CD72: variants seen among roughly 807,000 people sequenced by gnomAD.
The protein encoded by CD72 is CD72 molecule.
Under a neutral mutation model 50.7 loss-of-function variants are expected in CD72, and 28 were observed. The ratio of observed to expected loss-of-function variants is 0.55; its 90% CI spans 0.41 to 0.76. The LOEUF (loss-of-function observed/expected upper bound fraction) is 0.76. Ranked by LOEUF, CD72 falls within the 30% of genes least tolerant of loss-of-function variation. CD72 has a pLI of 0.00. For missense variants in CD72, 403 were observed against 420.6 expected, an observed-to-expected ratio of 0.96 and a Z score of 0.37; for synonymous variants, 176 against 171.2, an observed-to-expected ratio of 1.03 and a Z score of -0.22.
In CD72 at chr9:35,646,081, A is replaced by G. The variant is rs557250723; in HGVS notation, n.408+322T>C. ...AGGCTGAGGCAGGAGAATCTCTTGAACCTGGGAGGCGGAGGTTGCAGTGAG... is the reference window on the plus strand; with the variant it reads ...AGGCTGAGGCAGGAGAATCTCTTGAGCCTGGGAGGCGGAGGTTGCAGTGAG... On this transcript the variant is annotated intron_variant and non_coding_transcript_variant, in intron 1 of 3. Coordinates refer to the CD72 transcript ENST00000465754. 7.9e-5 allele frequency among the ~76,000 whole-genome samples: 12 copies of G among 151,870 alleles called. No individual in the cohort carries two copies. In the East Asian group the frequency reaches 2.3e-3, roughly 29 times the overall value.
chr9:35,628,113 G>A (rs980147479), intron 1 of CD72, among the ~76,000 whole-genome samples: 48 of 152,204 alleles, frequency 3.2e-4, no homozygotes, highest in Admixed American at 2.6e-3. Flanking sequence ...GAAATTACAG[G>A]CATGACTCAC....
At chr9:35,633,437 TGA>T (rs1182125535) in intron 1 of CD72, among the ~76,000 whole-genome samples, 1 of 152,206 alleles carries the variant, frequency 6.6e-6, no homozygotes, top group Non-Finnish European at 1.5e-5. Flanking sequence ...ACAGGGTAAT[TGA>T]GAGAGTTTCT....
At chr9:35,626,598 T>C (rs1233358676) in intron 1 of CD72, among the ~76,000 whole-genome samples, 1 of 152,214 alleles carries the variant, frequency 6.6e-6, no homozygotes, top group Non-Finnish European at 1.5e-5. Flanking sequence ...AAAGAATCAA[T>C]GTGGCAAACT....
intron 1 of CD72, among the ~76,000 whole-genome samples, chr9:35,636,909 A>G (rs917292229): frequency 2.6e-5 from 4 of 152,198 alleles, no homozygotes; most frequent in Non-Finnish European, 4.4e-5. Context: ...AAGATCCACA[A>G]AAGAAGTTAA....
At chr9:35,612,336 G>C (rs1205908292) in intron 6 of CD72, among the ~76,000 whole-genome samples, 1 of 152,176 alleles carries the variant, frequency 6.6e-6, no homozygotes, top group African/African-American at 2.4e-5. Flanking sequence ...TATAATCCCA[G>C]CACTTTGGGA....
chr9:35,635,686 T>G (rs1890592), intron 1 of CD72, among the ~76,000 whole-genome samples: 50,401 of 152,056 alleles, frequency 0.33, 8,849 homozygotes, highest in Non-Finnish European at 0.4. Context: ...GTTTTGCTGG[T>G]AGTTAAGACC....
chr9:35,624,440 A>G (rs1823176548), upstream of CD72, among the ~76,000 whole-genome samples: 1 of 151,984 alleles, frequency 6.6e-6, no homozygotes, highest in African/African-American at 2.4e-5. Flanking sequence ...TTAAAGATGA[A>G]AGGATGTATA....
chr9:35,622,657 C>A (rs892115519), upstream of CD72, among the ~76,000 whole-genome samples: 3 of 152,046 alleles, frequency 2.0e-5, no homozygotes, highest in African/African-American at 7.2e-5. Context: ...CATGGCGGCG[C>A]ACACCTGTAG....
In CD72 at chr9:35,612,985, A is replaced by T. The variant is rs1037692804; in HGVS notation, c.697T>A (p.Cys233Ser). ...TGATGCATTATCCATCCCGACGGAC[A>T]GCAGGTGTCTAAAAAGCAGAAAGAG... is the stretch of plus-strand genomic sequence containing the variant. ...FFTCGSADTC[C>S]PSGWIMHQKS... The change falls in exon 6 of 9, where the codon TGT becomes AGT. Residue 233 changes from cysteine to serine, a missense_variant. Physicochemically the swap from Cys to Ser is moderately radical, Grantham distance 112. Coordinates refer to ENST00000259633, the MANE Select transcript of CD72 (RefSeq NM_001782.3). 6.2e-7 allele frequency: 1 copy of T among 1,609,712 alleles called. No homozygotes were observed. The highest frequency in any genetic ancestry group is 1.1e-5 in the South Asian group (1 of 90,666).
intron 1 of CD72, among the ~76,000 whole-genome samples, chr9:35,644,183 A>G (rs1314125597): frequency 2.0e-5 from 3 of 151,540 alleles, no homozygotes; most frequent in Non-Finnish European, 4.4e-5. Flanking sequence ...CATCTCTACT[A>G]AAAATACAAA....
At chr9:35,630,894 G>A (rs1823240708) in intron 1 of CD72, among the ~76,000 whole-genome samples, 1 of 152,088 alleles carries the variant, frequency 6.6e-6, no homozygotes. Flanking sequence ...CAAAACGCCC[G>A]TCTCTACAAA....
rs543017557 is a variant in CD72, at chr9:35,615,569, A to G, written c.688+374T>C. ...GGAGATCTCAGCTATAACGAAAATT[A>G]ATTAAAAATGAGGTCCCTGTCTTTA... On this transcript the variant is annotated intron_variant, in intron 5 of 8. Transcript: ENST00000259633. 3.3e-5 allele frequency among the ~76,000 whole-genome samples: 5 copies of G among 152,062 alleles called. No homozygotes were observed. In the East Asian group the frequency reaches 9.7e-4, roughly 29 times the overall value.
chr9:35,642,081 A>G (rs4515643), intron 1 of CD72, among the ~76,000 whole-genome samples: 139,950 of 152,250 alleles, frequency 0.92, 65,396 homozygotes, highest in East Asian at 1. Flanking sequence ...CATTATCACT[A>G]ACCACTGCAT....
intron 1 of CD72, among the ~76,000 whole-genome samples, chr9:35,629,063 G>A (rs1823220482): frequency 6.6e-6 from 1 of 151,634 alleles, no homozygotes; most frequent in Admixed American, 6.6e-5. Context: ...TTTTTTAAGA[G>A]ATGGGGGTCT....
intron 1 of CD72, among the ~76,000 whole-genome samples, chr9:35,635,607 G>C (rs115026540): frequency 6.6e-6 from 1 of 152,162 alleles, no homozygotes; most frequent in Non-Finnish European, 1.5e-5. Context: ...TCTGCCAGCA[G>C]GTTCCTCTGC....
intron 1 of CD72, among the ~76,000 whole-genome samples, chr9:35,644,758 G>A (rs1823371671): frequency 6.6e-6 from 1 of 152,160 alleles, no homozygotes; most frequent in Admixed American, 6.5e-5. Flanking sequence ...TCAGAGGAGG[G>A]TGGCTCAAGG....
upstream of CD72, among the ~76,000 whole-genome samples, chr9:35,620,876 C>T (rs1346188585): frequency 6.6e-6 from 1 of 152,186 alleles, no homozygotes; most frequent in African/African-American, 2.4e-5. Context: ...ACCGCAATAT[C>T]TTGAATGTCT....
At chr9:35,630,036 CTT>C (rs35481553) in intron 1 of CD72, among the ~76,000 whole-genome samples, 3 of 128,958 alleles carry the variant, frequency 2.3e-5, no homozygotes, top group African/African-American at 2.9e-5. Context: ...AATTTCTTTT[CTT>C]TTTTTTTTTT....
intron 1 of CD72, among the ~76,000 whole-genome samples, chr9:35,644,084 T>TGGTG (rs1823364424): frequency 6.6e-6 from 1 of 150,792 alleles, no homozygotes; most frequent in Non-Finnish European, 1.5e-5. Flanking sequence ...TGGTGGCTCA[T>TGGTG]GCCTGTAATC....
Sources: allele counts gnomAD v4.1 joint callset (sites outside exome capture counted in the v4.1 genomes callset), GRCh38; gene constraint gnomAD v4.1.1; transcripts MANE v1.5; gene names NCBI Gene and HGNC (gene_info 2026-07-23, HGNC 2026-07-21).